The following UBE3B variants were observed in gnomAD, a reference collection of about 807,000 sequenced individuals.
UBE3B encodes the protein ubiquitin protein ligase E3B.
In UBE3B, 80 loss-of-function variants were observed where a neutral mutation model predicts 132.3. The ratio of observed to expected loss-of-function variants is 0.60; its 90% CI spans 0.50 to 0.73. The LOEUF (loss-of-function observed/expected upper bound fraction) is 0.73, where lower values mean the gene tolerates loss of function less well. Among genes scored for constraint, UBE3B ranks in the 30% least tolerant of loss-of-function variants. The probability of loss-of-function intolerance (pLI) is 0.00; values close to 1 mark genes in which losing one functional copy is unlikely to be tolerated. For missense variants in UBE3B, 1,196 were observed against 1,362.5 expected (o/e 0.88, Z 1.92); for synonymous variants, 487 against 520.4 (o/e 0.94, Z 0.87).
chr12:109,489,889 T>G, intron 7 of UBE3B, 30 bp from the exon 8 acceptor site: 1 of 1,606,356 alleles, frequency 6.2e-7, no homozygotes, highest in Non-Finnish European at 8.5e-7. Context: ...GGCAAGAGAC[T>G]TTTTTGTTCT....
intron 6 of UBE3B, among the ~76,000 whole-genome samples, 188 bp downstream of exon 6, chr12:109,486,763 C>T (rs1207264024): frequency 2.0e-5 from 3 of 152,008 alleles, no homozygotes; most frequent in Non-Finnish European, 4.4e-5. Flanking sequence ...TGTGTTGGAC[C>T]CTTAAACTGC....
chr12:109,545,093 G>A, the UBE3B span, among the ~76,000 whole-genome samples: 32 of 152,236 alleles, frequency 2.1e-4, no homozygotes, highest in Non-Finnish European at 2.6e-4. Flanking sequence ...ATCGTCAGAG[G>A]CCTGGACAGA....
intron 12 of UBE3B, among the ~76,000 whole-genome samples, chr12:109,500,829 G>A (rs1283436585): frequency 4.4e-4 from 67 of 152,224 alleles, no homozygotes. Context: ...GGCAGGCCTG[G>A]CCGTACTCAG....
In UBE3B at chr12:109,481,846, C is replaced by T. The variant is rs140303194; in HGVS notation, c.-22+104C>T. On this transcript the variant is annotated intron_variant, in intron 2 of 27. Coordinates refer to ENST00000342494, the MANE Select transcript of UBE3B (RefSeq NM_130466.4). The stretch of plus-strand genomic sequence containing the variant: ...TTATAAGTTGGTGCAAAAGTAATTA[C>T]GACTTAGTGTTTTTTTAAAAAAGTT... 18 of 152,242 alleles carry T rather than the reference C, an allele frequency of 1.2e-4. No individual in the cohort carries two copies. In the East Asian group the frequency reaches 3.1e-3, roughly 26 times the overall value. 9.4% of individuals were successfully genotyped at this position (152,242 alleles called of 1,614,324 possible).
intron 8 of UBE3B, 122 bp downstream of exon 8, chr12:109,490,126 T>G: frequency 9.8e-7 from 1 of 1,017,472 alleles, no homozygotes; most frequent in South Asian, 1.3e-5. Context: ...TAGGAAGAGC[T>G]TGATGCCTGC....
intron 19 of UBE3B, among the ~76,000 whole-genome samples, chr12:109,517,629 C>T (rs1005056290): frequency 2.6e-5 from 4 of 152,216 alleles, no homozygotes; most frequent in African/African-American, 4.8e-5. Context: ...CATACATGCT[C>T]ATCCTGCCAG....
intron 8 of UBE3B, chr12:109,490,787 A>G: frequency 2.2e-6 from 3 of 1,359,794 alleles, no homozygotes; most frequent in Non-Finnish European, 2.9e-6. Context: ...TCCTTTTATA[A>G]AAACACTGCA....
intron 15 of UBE3B, 41 bp downstream of exon 15, chr12:109,507,776 A>G: frequency 6.3e-7 from 1 of 1,588,088 alleles, no homozygotes; most frequent in Non-Finnish European, 8.6e-7. Flanking sequence ...TTCCTAGAAT[A>G]TGGAGAGACC....
intron 1 of UBE3B, among the ~76,000 whole-genome samples, 161 bp from the exon 2 acceptor site, chr12:109,481,469 AGATACAG>A (rs1875421843): frequency 6.6e-6 from 1 of 152,224 alleles, no homozygotes; most frequent in South Asian, 2.1e-4. Flanking sequence ...AGGATTGAAG[AGATACAG>A]TATAACATTT....
chr12:109,486,940 A>G (rs780425977), intron 6 of UBE3B, among the ~76,000 whole-genome samples: 1 of 152,214 alleles, frequency 6.6e-6, no homozygotes, highest in Non-Finnish European at 1.5e-5. Flanking sequence ...TAAGCAAGGA[A>G]GAGAACGTTG....
the UBE3B span, among the ~76,000 whole-genome samples, chr12:109,547,695 C>T: frequency 6.6e-6 from 1 of 152,178 alleles, no homozygotes. The surrounding 1 kb of genome is among the most constrained non-coding windows in gnomAD (Gnocchi z 4.1). Flanking sequence ...CTTGAACCCT[C>T]CCCCAAACCC....
chr12:109,502,825 A>C (rs574536035), intron 13 of UBE3B, among the ~76,000 whole-genome samples, 198 bp from the exon 14 acceptor site: 5 of 152,294 alleles, frequency 3.3e-5, no homozygotes, highest in Non-Finnish European at 5.9e-5. Flanking sequence ...TTCTGAAGAG[A>C]TCTTTGGGTT....
chr12:109,498,125 G>T, intron 10 of UBE3B, 108 bp from the exon 11 acceptor site: 2 of 1,504,270 alleles, frequency 1.3e-6, no homozygotes, highest in Non-Finnish European at 1.8e-6. Flanking sequence ...CTTGGTGTTT[G>T]CTAGCACATC....
chr12:109,502,973 T>A lies in UBE3B; in HGVS notation c.1283-50T>A, dbSNP rs769760194. On this transcript the variant is annotated intron_variant, in intron 13 of 27. Coordinates refer to ENST00000342494, the MANE Select transcript of UBE3B (RefSeq NM_130466.4). ...TGCTCTTCCTTTTCCAGGGTGGGAT[T>A]TGGCAGCTGGCTGAGCTGCTGCTCA... 2.5e-6 allele frequency: 4 copies of A among 1,611,680 alleles called. No homozygotes were observed. In the African/African-American group the frequency reaches 5.3e-5, roughly 22 times the overall value.
Position 109,510,433 on chromosome 12 carries a change from AC to A in UBE3B, c.1836del (p.Glu613ArgfsTer27), listed in dbSNP as rs770894139. 6.2e-7 allele frequency: 1 copy of A among 1,611,646 alleles called. No homozygotes were observed. The highest frequency in any genetic ancestry group is 8.5e-7 in the Non-Finnish European group (1 of 1,179,298). On this transcript the variant is annotated frameshift_variant, in exon 17 of 28. Transcript: ENST00000342494. LOFTEE classifies it high-confidence loss of function. ...CGAGCGGGACTGCCGGCGGCGCTTC[AC>A]CCCCGAGGACCACTGGCTGCGAAAG... ...LYERDCRRRFTPEDHWLRKDL... is the reference protein window; with the variant it reads ...LYERDCRRRFXPEDHWLRKDL...
intron 5 of UBE3B, 22 bp from the exon 6 acceptor site, chr12:109,486,449 T>G (rs761058108): frequency 6.4e-7 from 1 of 1,564,034 alleles, no homozygotes; most frequent in Non-Finnish European, 8.7e-7. Flanking sequence ...GCCCATGACA[T>G]TCCTCTTTTT....
chr12:109,482,731 T>C (rs1875692503), intron 2 of UBE3B, among the ~76,000 whole-genome samples: 1 of 152,124 alleles, frequency 6.6e-6, no homozygotes, highest in African/African-American at 2.4e-5. Flanking sequence ...GCTGTTCCTT[T>C]AGGAAAAAAC....
At chr12:109,526,271 A>T (rs1882323259) in intron 23 of UBE3B, 87 bp from the exon 24 acceptor site, 1 of 1,293,600 alleles carries the variant, frequency 7.7e-7, no homozygotes, top group African/African-American at 1.5e-5. Flanking sequence ...ATTATCATGG[A>T]TGTTTGTGCT....
In UBE3B at chr12:109,510,478, AG is replaced by A. The variant is rs1208835860; in HGVS notation, c.1856+23del. ...GCGAAAGTGAGCTCCAGGGGTGAGG[AG>A]GGCTCCATGGAAGCCAGCCTGCTCC... On this transcript the variant is annotated intron_variant, in intron 17 of 27. Coordinates refer to ENST00000342494, the MANE Select transcript of UBE3B (RefSeq NM_130466.4). 29 of 1,593,364 alleles carry A rather than the reference AG, an allele frequency of 1.8e-5. No homozygotes were observed. The highest frequency in any genetic ancestry group is 2.5e-5 in the Non-Finnish European group (29 of 1,167,932).
Sources: allele counts gnomAD v4.1 joint callset (sites outside exome capture counted in the v4.1 genomes callset), GRCh38; gene constraint gnomAD v4.1.1; non-coding constraint Gnocchi (gnomAD v3.1); transcripts MANE v1.5; gene names NCBI Gene and HGNC (gene_info 2026-07-23, HGNC 2026-07-21).